The following STK32B variants were observed in gnomAD, a reference collection of about 807,000 sequenced individuals.
STK32B encodes serine/threonine-protein kinase 32B.
STK32B carries 43 observed loss-of-function variants against 52.6 expected under a neutral mutation model. That is an observed-to-expected ratio of 0.82 (90% CI 0.64 to 1.05). The LOEUF (loss-of-function observed/expected upper bound fraction) is 1.05. STK32B is among the 50% of genes least tolerant of loss of function. The probability of loss-of-function intolerance (pLI) is 0.00; values close to 1 mark genes in which losing one functional copy is unlikely to be tolerated. For synonymous variants in STK32B, 238 were observed against 204.3 expected (o/e 1.17, Z -1.41); for missense variants, 621 against 534.6 (o/e 1.16, Z -1.59).
At chr4:5,107,453 G>T (rs1714167815) in intron 1 of STK32B, among the ~76,000 whole-genome samples, 1 of 152,040 alleles carries the variant, frequency 6.6e-6, no homozygotes. Flanking sequence ...CTGGTCTCTG[G>T]TCCTAAAAGT....
chr4:5,105,851 C>T (rs1339376699), intron 1 of STK32B, among the ~76,000 whole-genome samples: 1 of 152,010 alleles, frequency 6.6e-6, no homozygotes, highest in Non-Finnish European at 1.5e-5. Context: ...GTGTGAGCCA[C>T]CACGCCCGGC....
intron 1 of STK32B, among the ~76,000 whole-genome samples, chr4:5,077,265 A>C (rs1054732325): frequency 2.0e-5 from 3 of 152,120 alleles, no homozygotes; most frequent in African/African-American, 7.2e-5. Context: ...ATAAAGCGGA[A>C]TATCAGCAGA....
chr4:5,249,489 TCCTTCCTTCCTTCCTC>T lies in STK32B; in HGVS notation c.260+81043_260+81058del, dbSNP rs1429914163. On this transcript the variant is annotated intron_variant, in intron 3 of 11. Transcript: ENST00000282908. ...TTCCTTCCTTCCTTCCTTCCTTCCTTCCTTCCTTCCTTCCTCCCTCCCTTCCTTTAAACTTTTCTTC... is the reference window on the plus strand; with the variant it reads ...TTCCTTCCTTCCTTCCTTCCTTCCTTCCTCCCTTCCTTTAAACTTTTCTTC... Among the ~76,000 whole-genome samples, 149 of 123,060 alleles carry T rather than the reference TCCTTCCTTCCTTCCTC, an allele frequency of 1.2e-3. 1 individual carries two copies. The highest frequency in any genetic ancestry group is 3.9e-3 in the Middle Eastern group (1 of 254). 80.7% of individuals were successfully genotyped at this position (123,060 alleles called of 152,430 possible).
intron 3 of STK32B, among the ~76,000 whole-genome samples, chr4:5,194,708 G>T (rs1721506424): frequency 6.6e-6 from 1 of 152,126 alleles, no homozygotes; most frequent in Non-Finnish European, 1.5e-5. Context: ...AAGTTTAATT[G>T]GCTCATGGTT....
chr4:5,020,087 G>T, the STK32B span, among the ~76,000 whole-genome samples: 1 of 152,182 alleles, frequency 6.6e-6, no homozygotes, highest in African/African-American at 2.4e-5. Context: ...GGCCGTATGT[G>T]TGGGGAGTGT....
At chr4:5,205,821 C>T (rs1314602381) in intron 3 of STK32B, among the ~76,000 whole-genome samples, 1 of 152,070 alleles carries the variant, frequency 6.6e-6, no homozygotes, top group East Asian at 1.9e-4. Context: ...CTGTTCTTGC[C>T]TTGGGGGAAT....
chr4:5,384,087 G>C (rs932290483), intron 4 of STK32B, among the ~76,000 whole-genome samples: 1 of 152,200 alleles, frequency 6.6e-6, no homozygotes, highest in African/African-American at 2.4e-5. Context: ...AGGCCATAGC[G>C]GGGGACAATG....
intron 6 of STK32B, among the ~76,000 whole-genome samples, chr4:5,428,813 C>G (rs1157040007): frequency 6.6e-6 from 1 of 152,140 alleles, no homozygotes; most frequent in Admixed American, 6.5e-5. Context: ...ATCATTACGT[C>G]TTCTTGATAA....
intron 3 of STK32B, among the ~76,000 whole-genome samples, chr4:5,300,031 A>G (rs537039584): frequency 1.1e-4 from 16 of 152,264 alleles, no homozygotes; most frequent in Admixed American, 7.8e-4. Context: ...ATACATGCCA[A>G]TATCCTCAAT....
intron 3 of STK32B, among the ~76,000 whole-genome samples, chr4:5,194,291 A>G (rs1721472424): frequency 6.6e-6 from 1 of 152,078 alleles, no homozygotes; most frequent in African/African-American, 2.4e-5. Context: ...GATCATATGT[A>G]TGTTATGTTG....
intron 3 of STK32B, among the ~76,000 whole-genome samples, chr4:5,246,479 T>C (rs535707574): frequency 4.6e-5 from 7 of 152,242 alleles, no homozygotes; most frequent in African/African-American, 1.2e-4. Context: ...TTTGTCTAAC[T>C]TTTTTTCAAA....
chr4:5,341,190 G>A (rs572833335), intron 4 of STK32B, among the ~76,000 whole-genome samples: 1 of 152,308 alleles, frequency 6.6e-6, no homozygotes, highest in East Asian at 1.9e-4. Flanking sequence ...GGAAGGCACT[G>A]TTACCATGGT....
chr4:5,417,815 A>C (rs1191777011), intron 6 of STK32B, among the ~76,000 whole-genome samples: 1 of 152,230 alleles, frequency 6.6e-6, no homozygotes, highest in Non-Finnish European at 1.5e-5. Context: ...TTGGTTGACC[A>C]AGTGGTTTTT....
chr4:5,303,674 G>T (rs1308033315), intron 3 of STK32B, among the ~76,000 whole-genome samples: 1 of 152,118 alleles, frequency 6.6e-6, no homozygotes, highest in African/African-American at 2.4e-5. Flanking sequence ...CTGTGCAGCA[G>T]CTTTTAGTTT....
At chr4:5,221,187 C>G (rs1008892308) in intron 3 of STK32B, among the ~76,000 whole-genome samples, 1 of 152,138 alleles carries the variant, frequency 6.6e-6, no homozygotes, top group Non-Finnish European at 1.5e-5. Flanking sequence ...TCTATAGATC[C>G]AATTCTTTTA....
intron 1 of STK32B, among the ~76,000 whole-genome samples, chr4:5,085,477 C>T (rs185864415): frequency 6.6e-6 from 1 of 152,124 alleles, no homozygotes; most frequent in Non-Finnish European, 1.5e-5. Flanking sequence ...ATGGTTACTT[C>T]CCCCATGGAA....
chr4:5,132,905 T>A (rs1431080723), intron 1 of STK32B, among the ~76,000 whole-genome samples: 1 of 152,110 alleles, frequency 6.6e-6, no homozygotes, highest in East Asian at 1.9e-4. Context: ...TTCAGGTGAT[T>A]CTTCTGCCTC....
At chr4:5,209,904 T>C (rs1054684424) in intron 3 of STK32B, among the ~76,000 whole-genome samples, 1 of 152,234 alleles carries the variant, frequency 6.6e-6, no homozygotes, top group African/African-American at 2.4e-5. Context: ...AAGCCTAGAT[T>C]GTTTCCTCTA....
chr4:5,362,593 G>T (rs922203972), intron 4 of STK32B, among the ~76,000 whole-genome samples: 3 of 152,198 alleles, frequency 2.0e-5, no homozygotes, highest in Admixed American at 6.5e-5. Context: ...CAGCAGCCAG[G>T]TCCCTGCAGT....
Sources: gnomAD v4.1 joint callset for allele counts (sites outside exome capture counted in the v4.1 genomes callset) on GRCh38, gnomAD v4.1.1 for gene constraint, MANE v1.5 for transcripts, NCBI Gene and HGNC (gene_info 2026-07-23, HGNC 2026-07-21) for gene names.